The following DNM3 variants were observed in gnomAD, a reference collection of about 807,000 sequenced individuals.
DNM3 encodes the protein dynamin 3.
In DNM3, 47 loss-of-function variants were observed where a neutral mutation model predicts 101.6. The ratio of observed to expected loss-of-function variants is 0.46; its 90% CI spans 0.37 to 0.59. DNM3 has a LOEUF of 0.59. DNM3 is among the 20% of genes least tolerant of loss of function. DNM3 has a pLI of 0.00. For synonymous variants in DNM3, 385 were observed against 387.9 expected (o/e 0.99, Z 0.09); for missense variants, 849 against 1,085.7 (o/e 0.78, Z 3.06).
chr1:172,394,281 A>G (rs1376210970), intron 20 of DNM3: 1 of 152,228 alleles, frequency 6.6e-6, no homozygotes, highest in Non-Finnish European at 1.5e-5. Flanking sequence ...TGTTTAGGCG[A>G]GGCCCAGAAA....
At chr1:172,323,443 T>C in intron 17 of DNM3, 103 bp downstream of exon 17, 2 of 1,381,756 alleles carry the variant, frequency 1.4e-6, no homozygotes, top group Non-Finnish European at 2.0e-6. Context: ...ATGACTGTCA[T>C]CTGTTACAGT....
chr1:172,225,486 C>T (rs1277290668), intron 14 of DNM3, among the ~76,000 whole-genome samples: 1 of 151,980 alleles, frequency 6.6e-6, no homozygotes, highest in Non-Finnish European at 1.5e-5. Flanking sequence ...CCAGTGTCAG[C>T]ACATATGATC....
intron 14 of DNM3, among the ~76,000 whole-genome samples, chr1:172,193,288 C>T (rs1254949381): frequency 2.0e-5 from 3 of 151,988 alleles, no homozygotes; most frequent in South Asian, 2.1e-4. Context: ...ATTTTTGCAT[C>T]GATGTTCATC....
At chr1:172,082,024 C>A in intron 12 of DNM3, 122 bp downstream of exon 12, 1 of 1,009,392 alleles carries the variant, frequency 9.9e-7, no homozygotes, top group South Asian at 1.6e-5. Context: ...GATTAACTCT[C>A]AGTGTGCCTA....
At chr1:172,374,287 A>ATTAAT (rs1231654782) in intron 17 of DNM3, among the ~76,000 whole-genome samples, 1 of 152,058 alleles carries the variant, frequency 6.6e-6, no homozygotes, top group Non-Finnish European at 1.5e-5. Flanking sequence ...ATGTCTGAGA[A>ATTAAT]GGTGCACTCA....
At chr1:172,386,359 G>C (rs1383815943) in intron 18 of DNM3, among the ~76,000 whole-genome samples, 1 of 152,056 alleles carries the variant, frequency 6.6e-6, no homozygotes, top group Non-Finnish European at 1.5e-5. Flanking sequence ...CCCACTCTCA[G>C]TGTTGTGCAC....
intron 4 of DNM3, among the ~76,000 whole-genome samples, chr1:171,999,097 T>G (rs144918657): frequency 8.5e-5 from 13 of 152,202 alleles, no homozygotes; most frequent in African/African-American, 3.1e-4. Flanking sequence ...GTTTTCATAG[T>G]CAGTGTGGCT....
At chr1:172,156,926 T>C (rs967074393) in intron 14 of DNM3, among the ~76,000 whole-genome samples, 4 of 152,040 alleles carry the variant, frequency 2.6e-5, no homozygotes, top group African/African-American at 4.8e-5. Flanking sequence ...ATCTGCAAAA[T>C]TGGGAGTAAT....
At chr1:171,888,129 A>C (rs541794083) in intron 1 of DNM3, among the ~76,000 whole-genome samples, 1 of 149,902 alleles carries the variant, frequency 6.7e-6, no homozygotes, top group Admixed American at 6.7e-5. Context: ...TTTGACAATT[A>C]TATATTAAGA....
At chr1:171,924,907 C>A (rs535378413) in intron 2 of DNM3, among the ~76,000 whole-genome samples, 1 of 137,530 alleles carries the variant, frequency 7.3e-6, no homozygotes, top group Non-Finnish European at 1.6e-5. Flanking sequence ...TTTTTTTTTT[C>A]CCCCTTTTTG....
intron 14 of DNM3, among the ~76,000 whole-genome samples, chr1:172,164,096 C>G (rs1310916603): frequency 1.3e-5 from 2 of 151,930 alleles, no homozygotes; most frequent in African/African-American, 2.4e-5. Flanking sequence ...GAACTAACCA[C>G]TAACTGAGCT....
intron 13 of DNM3, among the ~76,000 whole-genome samples, chr1:172,119,448 C>G (rs144124915): frequency 9.2e-4 from 140 of 152,232 alleles, no homozygotes; most frequent in Admixed American, 1.6e-3. Flanking sequence ...GAGACATTCT[C>G]TTTCATTCAT....
chr1:171,898,782 T>G (rs1571493517), intron 1 of DNM3, among the ~76,000 whole-genome samples: 1 of 152,124 alleles, frequency 6.6e-6, no homozygotes, highest in Admixed American at 6.6e-5. Flanking sequence ...AGAGTGAATT[T>G]TTTTTTTCAT....
intron 14 of DNM3, among the ~76,000 whole-genome samples, chr1:172,229,255 G>A (rs961839183): frequency 2.6e-5 from 4 of 152,104 alleles, no homozygotes; most frequent in African/African-American, 4.8e-5. Context: ...TTGAGACTTA[G>A]TATGTTCAGA....
At chr1:171,870,638 G>A (rs144230217) in intron 1 of DNM3, among the ~76,000 whole-genome samples, 2,935 of 152,200 alleles carry the variant, frequency 0.019, 48 homozygotes, top group Admixed American at 0.037. Flanking sequence ...TTGCAAATTA[G>A]ATTATGTATC....
rs553685462 is a variant in DNM3 at position 172,224,418 on chromosome 1, A to G, written c.1660-29155A>G. 2.1e-4 allele frequency among the ~76,000 whole-genome samples: 32 copies of G among 152,270 alleles called. No individual in the cohort carries two copies. The South Asian group carries it at 6.6e-3, about 32-fold the overall frequency. ...ACATATGAAAACATAGCTGTACTCT[A>G]TTTGTTTTATTTCAAAGTGATCCAG... On this transcript the variant is annotated intron_variant, in intron 14 of 20. Transcript: ENST00000627582.
chr1:172,090,249 A>G (rs532945730), intron 12 of DNM3, among the ~76,000 whole-genome samples: 1 of 152,342 alleles, frequency 6.6e-6, no homozygotes, highest in Non-Finnish European at 1.5e-5. Context: ...TCATGATCTC[A>G]TTATAATAGT....
intron 14 of DNM3, among the ~76,000 whole-genome samples, chr1:172,214,363 G>A (rs1324664164): frequency 1.3e-5 from 2 of 152,028 alleles, no homozygotes; most frequent in Non-Finnish European, 2.9e-5. Flanking sequence ...GTTAATGGGT[G>A]CAGCACACCA....
intron 14 of DNM3, among the ~76,000 whole-genome samples, chr1:172,152,428 G>A (rs1029892443): frequency 3.9e-5 from 6 of 151,958 alleles, no homozygotes; most frequent in African/African-American, 7.3e-5. Flanking sequence ...TATGTACTTC[G>A]TAAATCAACC....
Sources: allele counts gnomAD v4.1 joint callset (sites outside exome capture counted in the v4.1 genomes callset), GRCh38; gene constraint gnomAD v4.1.1; transcripts MANE v1.5; gene names NCBI Gene and HGNC (gene_info 2026-07-23, HGNC 2026-07-21).